Variants in GLIS3 observed in about 807,000 individuals in gnomAD.
The protein encoded by GLIS3 is GLIS family zinc finger 3, also known as zinc finger protein GLIS3.
Under a neutral mutation model 78.6 loss-of-function variants are expected in GLIS3, and 53 were observed. That is an observed-to-expected ratio of 0.67 (90% CI 0.54 to 0.85). GLIS3 has a LOEUF of 0.85. Among genes scored for constraint, GLIS3 ranks in the 40% least tolerant of loss-of-function variants. The pLI is 0.00. For synonymous variants in GLIS3, 684 were observed against 509.9 expected, an observed-to-expected ratio of 1.34 and a Z score of -4.60; for missense variants, 1,703 against 1,231.1, an observed-to-expected ratio of 1.38 and a Z score of -5.74.
intron 2 of GLIS3, among the ~76,000 whole-genome samples, chr9:4,144,609 A>G (rs1303174799): frequency 6.6e-6 from 1 of 152,226 alleles, no homozygotes; most frequent in East Asian, 1.9e-4. Context: ...ATAAAGCTGT[A>G]ATACATTTTT....
chr9:4,181,007 T>G (rs1309436425), intron 2 of GLIS3, among the ~76,000 whole-genome samples: 1 of 152,164 alleles, frequency 6.6e-6, no homozygotes, highest in Non-Finnish European at 1.5e-5. Context: ...CCTTGGATGT[T>G]GAAGCAAGGT....
chr9:4,332,972 G>C (rs1185819854), intron 2 of GLIS3, among the ~76,000 whole-genome samples: 2 of 152,196 alleles, frequency 1.3e-5, no homozygotes, highest in African/African-American at 4.8e-5. Flanking sequence ...AACGTTTTCA[G>C]CTCCCTAATT....
chr9:4,261,120 T>G (rs1306333694), intron 2 of GLIS3, among the ~76,000 whole-genome samples: 1 of 152,208 alleles, frequency 6.6e-6, no homozygotes, highest in African/African-American at 2.4e-5. Context: ...TCCAGAAAAC[T>G]GACTGGGGAA....
At chr9:4,354,659 C>G in the GLIS3 span, among the ~76,000 whole-genome samples, 1 of 152,156 alleles carries the variant, frequency 6.6e-6, no homozygotes, top group Admixed American at 6.5e-5. Flanking sequence ...CCTCTCACTG[C>G]GGTCCTGGGA....
intron 2 of GLIS3, among the ~76,000 whole-genome samples, chr9:4,198,497 C>T (rs112222644): frequency 0.012 from 1,892 of 152,066 alleles, 39 homozygotes; most frequent in African/African-American, 0.043. Flanking sequence ...AACCCCATCA[C>T]ACAAAACTAA....
chr9:3,869,013 A>G (rs10122828), intron 8 of GLIS3, among the ~76,000 whole-genome samples: 125,025 of 152,132 alleles, frequency 0.82, 51,496 homozygotes, highest in East Asian at 0.97. Context: ...ATGATTGCCT[A>G]TTGGCTTGGT....
intron 2 of GLIS3, among the ~76,000 whole-genome samples, chr9:4,331,405 G>C (rs1349349562): frequency 1.3e-5 from 2 of 152,008 alleles, no homozygotes; most frequent in Non-Finnish European, 2.9e-5. Context: ...TCCAAATAAG[G>C]TCACATCCAA....
intron 2 of GLIS3, among the ~76,000 whole-genome samples, chr9:4,241,365 A>G (rs1442252553): frequency 6.6e-6 from 1 of 152,200 alleles, no homozygotes; most frequent in Admixed American, 6.5e-5. Flanking sequence ...ATACAGTTAG[A>G]TAGAAGAAAT....
the GLIS3 span, among the ~76,000 whole-genome samples, chr9:4,396,078 C>A: frequency 2.6e-5 from 4 of 151,212 alleles, no homozygotes; most frequent in African/African-American, 9.7e-5. Context: ...AGCCTGGTCA[C>A]CATTTTCTAT....
At chr9:4,276,758 C>G (rs1017103839) in intron 2 of GLIS3, among the ~76,000 whole-genome samples, 1 of 152,108 alleles carries the variant, frequency 6.6e-6, no homozygotes, top group Non-Finnish European at 1.5e-5. Context: ...GGAAATGCAT[C>G]ATCAATTTGA....
chr9:4,368,403 G>C, the GLIS3 span, among the ~76,000 whole-genome samples: 4 of 150,872 alleles, frequency 2.7e-5, no homozygotes, highest in African/African-American at 9.8e-5. Context: ...GGAGTGTAGT[G>C]GCACAATCTC....
upstream of GLIS3, among the ~76,000 whole-genome samples, chr9:4,303,359 G>A (rs1392099389): frequency 6.6e-6 from 1 of 152,026 alleles, no homozygotes; most frequent in Non-Finnish European, 1.5e-5. Flanking sequence ...TTTAAGGGGG[G>A]AACTAAATGT....
At chr9:4,035,728 ACTCATACTAACC>A (rs1198834365) in intron 4 of GLIS3, 1 of 152,032 alleles carries the variant, frequency 6.6e-6, no homozygotes, top group Non-Finnish European at 1.5e-5. Context: ...GAAGGCACAG[ACTCATACTAACC>A]CTCCTTCCTG....
intron 8 of GLIS3, among the ~76,000 whole-genome samples, chr9:3,871,427 T>C (rs1462756289): frequency 2.0e-5 from 3 of 152,244 alleles, no homozygotes; most frequent in Non-Finnish European, 4.4e-5. Context: ...TGCATTGCTC[T>C]AGTAGAGGTT....
At chr9:4,181,565 C>T (rs1215052828) in intron 2 of GLIS3, among the ~76,000 whole-genome samples, 1 of 152,244 alleles carries the variant, frequency 6.6e-6, no homozygotes, top group Non-Finnish European at 1.5e-5. Context: ...CCACCAAGCC[C>T]AGCCCTCTTT....
the GLIS3 span, among the ~76,000 whole-genome samples, chr9:4,472,260 C>T: frequency 5.3e-5 from 8 of 152,180 alleles, no homozygotes; most frequent in African/African-American, 1.7e-4. Flanking sequence ...TTACTGGGTA[C>T]ATACCCAAAG....
At chr9:4,233,456 T>C (rs1002818824) in intron 2 of GLIS3, among the ~76,000 whole-genome samples, 1 of 152,228 alleles carries the variant, frequency 6.6e-6, no homozygotes, top group African/African-American at 2.4e-5. Flanking sequence ...AGTAACCAGG[T>C]GCATTGTTAA....
At chr9:4,032,890 G>C (rs1479390590) in intron 4 of GLIS3, among the ~76,000 whole-genome samples, 1 of 151,262 alleles carries the variant, frequency 6.6e-6, no homozygotes, top group Admixed American at 6.6e-5. Flanking sequence ...GTCTCGCTCT[G>C]TCGCCCAGGC....
intron 4 of GLIS3, among the ~76,000 whole-genome samples, chr9:4,111,856 G>A (rs1831240268): frequency 1.3e-5 from 2 of 152,216 alleles, no homozygotes; most frequent in African/African-American, 4.8e-5. Flanking sequence ...TTCACTGGTG[G>A]TGTTTCAGCC....
Sources: gnomAD v4.1 joint callset for allele counts (sites outside exome capture counted in the v4.1 genomes callset) on GRCh38, gnomAD v4.1.1 for gene constraint, MANE v1.5 for transcripts, NCBI Gene and HGNC (gene_info 2026-07-23, HGNC 2026-07-21) for gene names.